OR1J2: variants seen among roughly 807,000 people sequenced by gnomAD.
The protein encoded by OR1J2 is olfactory receptor family 1 subfamily J member 2.
For missense variants in OR1J2, 304 were observed against 246.1 expected, an observed-to-expected ratio of 1.24 and a Z score of -1.57; for synonymous variants, 142 against 99.7, an observed-to-expected ratio of 1.42 and a Z score of -2.52.
the OR1J2 span, among the ~76,000 whole-genome samples, chr9:122,565,677 G>C: frequency 1.3e-5 from 2 of 152,212 alleles, no homozygotes; most frequent in African/African-American, 4.8e-5. Flanking sequence ...CCCAGGTAGT[G>C]AGCATAATAC....
the OR1J2 span, among the ~76,000 whole-genome samples, chr9:122,496,800 C>T: frequency 6.6e-6 from 1 of 152,106 alleles, no homozygotes; most frequent in African/African-American, 2.4e-5. Context: ...AGGAGGCAAT[C>T]AGGCATGCAT....
the OR1J2 span, chr9:122,526,450 T>C: frequency 2.0e-6 from 3 of 1,537,850 alleles, no homozygotes; most frequent in South Asian, 2.6e-5. Context: ...GGGTTCAACA[T>C]GGGAGTCACT....
chr9:122,563,624 C>T, the OR1J2 span, among the ~76,000 whole-genome samples: 3 of 152,298 alleles, frequency 2.0e-5, no homozygotes, highest in African/African-American at 7.2e-5. Flanking sequence ...TTATGTAAAT[C>T]CATTTGTCTA....
At chr9:122,469,704 A>G in the OR1J2 span, among the ~76,000 whole-genome samples, 1 of 152,210 alleles carries the variant, frequency 6.6e-6, no homozygotes, top group Admixed American at 6.5e-5. Context: ...GACTTGTTGA[A>G]TGGCTTTGAC....
the OR1J2 span, among the ~76,000 whole-genome samples, chr9:122,528,597 AAAAT>A: frequency 6.6e-6 from 1 of 152,182 alleles, no homozygotes; most frequent in East Asian, 1.9e-4. Flanking sequence ...GACTCCGTCT[AAAAT>A]AAATAAATAA....
chr9:122,572,911 A>C, the OR1J2 span: 1 of 152,338 alleles, frequency 6.6e-6, no homozygotes, highest in East Asian at 1.9e-4. Flanking sequence ...CTTCTGGACT[A>C]ATTAGCAAGG....
In OR1J2 at chr9:122,511,666, A is replaced by G; in HGVS notation, c.865A>G (p.Ile289Val). The G allele has an allele frequency of 1.3e-6, 1 of 780,984 alleles. No individual in the cohort carries two copies. Among genetic ancestry groups the G allele is most frequent in the Non-Finnish European group, 2.4e-6 (1 of 418,118 alleles). The allele number at this position is 780,984 out of a possible 1,614,324, so 48.4% of individuals were successfully genotyped here. Residue 289 changes from isoleucine (I) to valine (V), a missense_variant, in exon 1 of 1, where the codon ATC (isoleucine) becomes GTC (valine). Transcript: ENST00000335302. ...GGTCACACCCATGTTGAACCCCTTTATCTACAGCCTTAGGAACAGGGACAT... is the reference window on the plus strand; with the variant it reads ...GGTCACACCCATGTTGAACCCCTTTGTCTACAGCCTTAGGAACAGGGACAT... ...TVVTPMLNPF[I>V]YSLRNRDMKE...
chr9:122,506,755 GAGAA>G (rs953204866), upstream of OR1J2, among the ~76,000 whole-genome samples: 5 of 152,232 alleles, frequency 3.3e-5, no homozygotes, highest in South Asian at 1.0e-3. Flanking sequence ...GAGGAAGAGA[GAGAA>G]GGAAGGAACA....
the OR1J2 span, chr9:122,553,671 C>G: frequency 1.2e-6 from 2 of 1,614,140 alleles, no homozygotes; most frequent in Non-Finnish European, 1.7e-6. Flanking sequence ...GTGCTGGGTG[C>G]TAACCAACTG....
chr9:122,460,355 T>G, the OR1J2 span, among the ~76,000 whole-genome samples: 2 of 152,270 alleles, frequency 1.3e-5, no homozygotes, highest in East Asian at 3.9e-4. Context: ...CCCAGCATGA[T>G]TTGTTGAATA....
At chr9:122,519,569 A>C in the OR1J2 span, 1 of 1,614,022 alleles carries the variant, frequency 6.2e-7, no homozygotes, top group East Asian at 2.2e-5. Flanking sequence ...TGTGTAACTT[A>C]CTAGTCACTG....
the OR1J2 span, among the ~76,000 whole-genome samples, chr9:122,483,430 G>A: frequency 1.3e-5 from 2 of 152,112 alleles, no homozygotes; most frequent in South Asian, 4.1e-4. Context: ...GGAATAAACT[G>A]TATGCCATAT....
the OR1J2 span, among the ~76,000 whole-genome samples, chr9:122,520,937 T>C: frequency 6.6e-6 from 1 of 152,232 alleles, no homozygotes. Context: ...TTCATTCCTC[T>C]ACTTAAAGAT....
chr9:122,526,256 C>A, the OR1J2 span: 1 of 569,070 alleles, frequency 1.8e-6, no homozygotes, highest in Non-Finnish European at 2.9e-6. Context: ...GCTAAGTAAC[C>A]AGACTACAAT....
the OR1J2 span, among the ~76,000 whole-genome samples, chr9:122,545,449 T>C: frequency 6.6e-6 from 1 of 152,176 alleles, no homozygotes; most frequent in Non-Finnish European, 1.5e-5. Context: ...TAATTTCCCA[T>C]TTCTCCCTTT....
At chr9:122,562,601 AC>A in the OR1J2 span, among the ~76,000 whole-genome samples, 2 of 152,090 alleles carry the variant, frequency 1.3e-5, no homozygotes, top group African/African-American at 4.8e-5. Context: ...GTGGGCTGCC[AC>A]ACCACACTGC....
chr9:122,551,258 C>T, the OR1J2 span, among the ~76,000 whole-genome samples: 1 of 152,152 alleles, frequency 6.6e-6, no homozygotes, highest in Non-Finnish European at 1.5e-5. Flanking sequence ...AGCATGTACT[C>T]CAGAGTCATT....
chr9:122,449,931 C>T, the OR1J2 span, among the ~76,000 whole-genome samples: 1 of 152,118 alleles, frequency 6.6e-6, no homozygotes, highest in Non-Finnish European at 1.5e-5. Flanking sequence ...GTTAATCTTT[C>T]CTCCCAGTTT....
the OR1J2 span, among the ~76,000 whole-genome samples, chr9:122,522,366 CCTAGA>C: frequency 6.6e-6 from 1 of 152,084 alleles, no homozygotes; most frequent in Non-Finnish European, 1.5e-5. Flanking sequence ...ATCAAAACAT[CCTAGA>C]ACCAGGAACT....
Sources: gnomAD v4.1 joint callset for allele counts (sites outside exome capture counted in the v4.1 genomes callset) on GRCh38, gnomAD v4.1.1 for gene constraint, MANE v1.5 for transcripts, NCBI Gene and HGNC (gene_info 2026-07-23, HGNC 2026-07-21) for gene names.